The following DARS2 variants were observed in gnomAD, a reference collection of about 807,000 sequenced individuals.
The protein encoded by DARS2 is aspartate--tRNA ligase, mitochondrial.
Under a neutral mutation model 83.0 loss-of-function variants are expected in DARS2, and 63 were observed. That is an observed-to-expected ratio of 0.76 (90% CI 0.62 to 0.94). The LOEUF (loss-of-function observed/expected upper bound fraction) is 0.94. Ranked by LOEUF, DARS2 falls within the 40% of genes least tolerant of loss-of-function variation. DARS2 has a pLI of 0.00. For synonymous variants in DARS2, 250 were observed against 269.3 expected, an observed-to-expected ratio of 0.93 and a Z score of 0.70; for missense variants, 675 against 774.4, an observed-to-expected ratio of 0.87 and a Z score of 1.52.
chr1:173,839,128 G>A (rs1199992829), intron 9 of DARS2, among the ~76,000 whole-genome samples: 1 of 152,144 alleles, frequency 6.6e-6, no homozygotes, highest in Non-Finnish European at 1.5e-5. Flanking sequence ...CTTACTAATT[G>A]CACATACGCA....
intron 12 of DARS2, 81 bp downstream of exon 12, chr1:173,845,372 T>C: frequency 1.1e-6 from 1 of 874,338 alleles, no homozygotes; most frequent in Non-Finnish European, 1.9e-6. Flanking sequence ...ATCATTATCA[T>C]TAGTTTTGAG....
At position 173,824,981 on chromosome 1, in the gene DARS2, T is replaced by A. The variant is rs1652413667; in HGVS notation, c.-249T>A. Reference sequence around the variant, plus strand: ...CGACTTGTTGAGTAGAAGTGCAGACTGATGCTTTAAGACTCAGGGAGAGGT... The same window carrying A: ...CGACTTGTTGAGTAGAAGTGCAGACAGATGCTTTAAGACTCAGGGAGAGGT... On this transcript the variant is annotated 5_prime_UTR_variant, in exon 1 of 17. Coordinates refer to ENST00000649689, the MANE Select transcript of DARS2 (RefSeq NM_018122.5). 3 of 413,430 alleles carry A rather than the reference T, an allele frequency of 7.3e-6. No homozygotes were observed. The highest frequency in any genetic ancestry group is 1.4e-5 in the Non-Finnish European group (3 of 219,876). The allele number at this position is 413,430 out of a possible 1,614,324, so 25.6% of individuals were successfully genotyped here.
chr1:173,857,404 A>G, intron 16 of DARS2, 114 bp from the exon 17 acceptor site: 9 of 1,052,702 alleles, frequency 8.5e-6, no homozygotes, highest in South Asian at 4.1e-5. Flanking sequence ...ATGGTTGGCT[A>G]CAGTTTGTTA....
Position 173,851,875 on chromosome 1 carries a change from C to A in DARS2, c.1344+1396C>A, listed in dbSNP as rs142846133. On this transcript the variant is annotated intron_variant, in intron 13 of 16. Coordinates refer to ENST00000649689, the MANE Select transcript of DARS2 (RefSeq NM_018122.5). Reference sequence around the variant, plus strand: ...TTCAGCTTCAAAGCTAAATGTAATCCCCCGTCTCCCCTTCCCCTACAATAG... The same window carrying A: ...TTCAGCTTCAAAGCTAAATGTAATCACCCGTCTCCCCTTCCCCTACAATAG... The A allele has an allele frequency of 9.7e-4, 958 of 985,258 alleles. 6 individuals are homozygous for A. The African/African-American group carries it at 0.012, about 13-fold the overall frequency. 61.0% of individuals were successfully genotyped at this position (985,258 alleles called of 1,614,324 possible).
intron 11 of DARS2, 101 bp downstream of exon 11, chr1:173,841,074 A>G: frequency 1.2e-6 from 1 of 843,510 alleles, no homozygotes; most frequent in Non-Finnish European, 2.0e-6. Context: ...AATTCTTTTT[A>G]AATAAAAATA....
chr1:173,850,288 A>G (rs1334174419), intron 12 of DARS2, 39 bp from the exon 13 acceptor site: 2 of 1,568,192 alleles, frequency 1.3e-6, no homozygotes, highest in Non-Finnish European at 1.7e-6. Context: ...CTGTTCAAAA[A>G]AAAAAAAAAA....
chr1:173,838,160 A>G, intron 8 of DARS2, 30 bp from the exon 9 acceptor site: 1 of 1,557,770 alleles, frequency 6.4e-7, no homozygotes, highest in Non-Finnish European at 8.9e-7. Flanking sequence ...CTAGAATCAT[A>G]ACTCAATTAA....
chr1:173,836,902 A>C (rs761116991), intron 7 of DARS2, 38 bp from the exon 8 acceptor site: 1 of 1,576,338 alleles, frequency 6.3e-7, no homozygotes, highest in Non-Finnish European at 8.7e-7. Flanking sequence ...TTTGTTTTTT[A>C]ATAATCTGTC....
At chr1:173,831,671 A>G (rs747558948) in intron 5 of DARS2, 41 bp downstream of exon 5, 10 of 1,454,600 alleles carry the variant, frequency 6.9e-6, no homozygotes, top group Non-Finnish European at 9.7e-6. Context: ...TATCTAGAAA[A>G]TGTTGATGAC....
chr1:173,853,388 C>T lies in DARS2; in HGVS notation c.1384C>T (p.Leu462Phe), dbSNP rs1653747147. 1 of 1,613,836 alleles carries T rather than the reference C, an allele frequency of 6.2e-7. No homozygotes were observed. The highest frequency in any genetic ancestry group is 1.3e-5 in the African/African-American group (1 of 74,846). ...LGKLRLECAD[L>F]LETRGVVLRD... ...AAAATTACGACTGGAATGTGCTGACCTTCTAGAAACAAGAGGAGTGGTGCT... is the reference window on the plus strand; with the variant it reads ...AAAATTACGACTGGAATGTGCTGACTTTCTAGAAACAAGAGGAGTGGTGCT... The change falls in exon 14 of 17, where the codon CTT becomes TTT. Residue 462 changes from leucine to phenylalanine, a missense_variant. Physicochemically the swap from Leu to Phe is conservative, Grantham distance 22. Coordinates refer to ENST00000649689, the MANE Select transcript of DARS2 (RefSeq NM_018122.5).
Position 173,834,482 on chromosome 1 carries a change from A to G in DARS2, c.626A>G (p.Asp209Gly), listed in dbSNP as rs1274542606. Residue 209 changes from aspartate to glycine, a missense_variant, in exon 7 of 17, where the codon GAT (aspartate) becomes GGT (glycine). Transcript: ENST00000649689. ...GTTTCTCTCTTTTTAGGGTTTGTGG[A>G]TATAGAAACCCCCACATTGTTTAAG... ...EYLCNLHGFV[D>G]IETPTLFKRT... 5 of 1,607,854 alleles carry G rather than the reference A, an allele frequency of 3.1e-6. No homozygotes were observed. The highest frequency in any genetic ancestry group is 1.1e-5 in the South Asian group (1 of 90,954).
intron 3 of DARS2, among the ~76,000 whole-genome samples, chr1:173,829,902 T>C (rs1241092481): frequency 1.3e-5 from 2 of 151,604 alleles, no homozygotes; most frequent in African/African-American, 4.8e-5. Context: ...AGCAAGACTC[T>C]ATCTCAAAAA....
At position 173,834,463 on chromosome 1, in the gene DARS2, CTCTT is replaced by C. The variant is rs760225866; in HGVS notation, c.617-8_617-5del. The C allele has an allele frequency of 1.2e-6, 2 of 1,601,932 alleles. No homozygotes were observed. The highest frequency in any genetic ancestry group is 1.7e-6 in the Non-Finnish European group (2 of 1,169,282). Reference sequence around the variant, plus strand: ...CTATCTACTAAGTGATAATGTTTCTCTCTTTTTAGGGTTTGTGGATATAGAAACC... The same window carrying C: ...CTATCTACTAAGTGATAATGTTTCTCTTTAGGGTTTGTGGATATAGAAACC... On this transcript the variant is annotated splice_region_variant and splice_polypyrimidine_tract_variant and intron_variant, in intron 6 of 16. Transcript: ENST00000649689.
chr1:173,834,793 T>TG (rs1652942379), intron 7 of DARS2, among the ~76,000 whole-genome samples: 2 of 139,878 alleles, frequency 1.4e-5, no homozygotes, highest in African/African-American at 5.5e-5. Context: ...TTTTTTTTTT[T>TG]TTTTTGAGAC....
chr1:173,845,160 G>T, intron 11 of DARS2, 69 bp from the exon 12 acceptor site: 5 of 925,568 alleles, frequency 5.4e-6, no homozygotes, highest in South Asian at 2.7e-5. Context: ...TTTGTCATTT[G>T]ATCGCATAAC....
Position 173,842,284 on chromosome 1 carries a change from C to CTTTTTTTTTTTTTTTTTTT in DARS2, c.1128+1326_1128+1344dup, listed in dbSNP as rs1178547914. 6.2e-5 allele frequency among the ~76,000 whole-genome samples: 4 copies of CTTTTTTTTTTTTTTTTTTT among 64,224 alleles called. 1 individual carries two copies. The highest frequency in any genetic ancestry group is 1.1e-4 in the Non-Finnish European group (4 of 36,804). The allele number at this position is 64,224 out of a possible 152,430, so 42.1% of individuals were successfully genotyped here. On this transcript the variant is annotated intron_variant, in intron 11 of 16. Transcript: ENST00000649689. ...CTCAGGAACTCAGTCTCATTACTTT[C>CTTTTTTTTTTTTTTTTTTT]TTTTTTTTTTTTTTTTTTTTTTTTT...
chr1:173,836,403 G>A (rs1653006415), intron 7 of DARS2, among the ~76,000 whole-genome samples: 1 of 149,748 alleles, frequency 6.7e-6, no homozygotes, highest in Non-Finnish European at 1.5e-5. Flanking sequence ...AGCGGGGCAT[G>A]GTGGTGGCAG....
At chr1:173,834,010 C>A (rs962600286) in intron 6 of DARS2, among the ~76,000 whole-genome samples, 6 of 152,162 alleles carry the variant, frequency 3.9e-5, no homozygotes, top group Non-Finnish European at 8.8e-5. Flanking sequence ...AATCCTCCCA[C>A]CTAACCATCC....
chr1:173,856,801 G>T (rs1653875125), intron 16 of DARS2, 60 bp downstream of exon 16: 6 of 1,453,722 alleles, frequency 4.1e-6, no homozygotes, highest in Non-Finnish European at 5.8e-6. Context: ...TCAAATTCAG[G>T]TTCTCAGTTT....
Sources: gnomAD v4.1 joint callset for allele counts (sites outside exome capture counted in the v4.1 genomes callset) on GRCh38, gnomAD v4.1.1 for gene constraint, MANE v1.5 for transcripts, NCBI Gene and HGNC (gene_info 2026-07-23, HGNC 2026-07-21) for gene names.